Variants in RALYL observed in about 807,000 individuals in gnomAD.
RALYL encodes the protein RALY RNA binding protein like.
Under a neutral mutation model 35.1 loss-of-function variants are expected in RALYL, and 29 were observed. That is an observed-to-expected ratio of 0.83 (90% confidence interval 0.61 to 1.13). The LOEUF (loss-of-function observed/expected upper bound fraction) is 1.13, where lower values mean the gene tolerates loss of function less well. Ranked by LOEUF, RALYL falls within the 50% of genes most tolerant of loss-of-function variation. The pLI, the probability that RALYL is intolerant of heterozygous loss-of-function variation, is 0.00. For missense variants in RALYL, 359 were observed against 360.4 expected (o/e 1.00, Z 0.03); for synonymous variants, 120 against 127.6 (o/e 0.94, Z 0.40).
chr8:84,756,664 ATAAT>A (rs1381886267), intron 2 of RALYL, among the ~76,000 whole-genome samples: 5 of 152,124 alleles, frequency 3.3e-5, no homozygotes, highest in African/African-American at 9.6e-5. Flanking sequence ...GAAGTTATGC[ATAAT>A]TAATTATATT....
At chr8:84,897,690 A>G (rs942347245) in intron 8 of RALYL, among the ~76,000 whole-genome samples, 1 of 152,220 alleles carries the variant, frequency 6.6e-6, no homozygotes, top group African/African-American at 2.4e-5. Flanking sequence ...GAAGCCTTAC[A>G]TATCACATTT....
At chr8:84,796,274 A>G (rs1351405340) in intron 3 of RALYL, among the ~76,000 whole-genome samples, 1 of 152,206 alleles carries the variant, frequency 6.6e-6, no homozygotes, top group Non-Finnish European at 1.5e-5. Context: ...TCTCCTAGGC[A>G]TCTTGGCCCA....
chr8:84,329,679 G>C (rs1038371285), intron 1 of RALYL, among the ~76,000 whole-genome samples: 3 of 151,876 alleles, frequency 2.0e-5, no homozygotes, highest in African/African-American at 7.3e-5. Flanking sequence ...TTGTAAATAA[G>C]ACTATTTGCT....
At position 84,226,461 on chromosome 8, in the gene RALYL, C is replaced by A. The variant is rs1422779679; in HGVS notation, c.-24+42037C>A. Among the ~76,000 whole-genome samples the A allele has an allele frequency of 2.6e-5, 4 of 152,214 alleles. No individual in the cohort carries two copies. The East Asian group carries it at 7.7e-4, about 29-fold the overall frequency. ...TACTCTTGTTGCCCAGGCTGGAGGG[C>A]AGTGGTGCAATCTCAGCTCATCGCA... On this transcript the variant is annotated intron_variant, in intron 1 of 8. Coordinates refer to ENST00000521268, the MANE Select transcript of RALYL (RefSeq NM_173848.7).
chr8:84,374,750 T>C (rs73298719), intron 1 of RALYL, among the ~76,000 whole-genome samples: 4,671 of 151,928 alleles, frequency 0.031, 233 homozygotes, highest in African/African-American at 0.11. Flanking sequence ...AAAAAGTAAC[T>C]GTTGGGTACT....
chr8:84,828,949 A>G, intron 4 of RALYL: 1 of 151,918 alleles, frequency 6.6e-6, no homozygotes, highest in East Asian at 1.9e-4. Flanking sequence ...CTGACCCACT[A>G]CCTTAAAAAA....
chr8:84,549,027 T>G (rs1022817689), intron 2 of RALYL, among the ~76,000 whole-genome samples: 2 of 152,202 alleles, frequency 1.3e-5, no homozygotes, highest in Non-Finnish European at 2.9e-5. Flanking sequence ...TGTTTCCATA[T>G]GGATCTACTA....
At chr8:84,577,620 A>G (rs1009986201) in intron 2 of RALYL, among the ~76,000 whole-genome samples, 1 of 152,080 alleles carries the variant, frequency 6.6e-6, no homozygotes, top group Non-Finnish European at 1.5e-5. Context: ...TTTTTTAAAC[A>G]GTTTTCAAGA....
chr8:84,631,388 A>G (rs1303569903), intron 2 of RALYL, among the ~76,000 whole-genome samples: 1 of 151,962 alleles, frequency 6.6e-6, no homozygotes, highest in Non-Finnish European at 1.5e-5. Context: ...TGGAAATTGA[A>G]GAAGTATTAA....
rs1587656659 is a variant in RALYL, at chr8:84,478,922, T to TAAAAAAAAAAAAAAAAAAAAAAAAAA, written c.-23-50372_-23-50371insAAAAAAAAAAAAAAAAAAAAAAAAAA. Among the ~76,000 whole-genome samples the TAAAAAAAAAAAAAAAAAAAAAAAAAA allele has an allele frequency of 2.4e-3, 206 of 85,172 alleles. 20 individuals are homozygous for TAAAAAAAAAAAAAAAAAAAAAAAAAA. Among genetic ancestry groups the TAAAAAAAAAAAAAAAAAAAAAAAAAA allele is most frequent in the Non-Finnish European group, 3.2e-3 (121 of 37,400 alleles). 55.9% of individuals were successfully genotyped at this position (85,172 alleles called of 152,430 possible). A position where few individuals can be genotyped will look rare whatever the true frequency, so the allele number is the denominator to read the frequency against. ...TAACACCGTGAAACCCCGTCTCTACTAAAAATACAAAACATTAGCCGGGCA... is the reference window on the plus strand; with the variant it reads ...TAACACCGTGAAACCCCGTCTCTACTAAAAAAAAAAAAAAAAAAAAAAAAAAAAAAATACAAAACATTAGCCGGGCA... On this transcript the variant is annotated intron_variant, in intron 1 of 8. Coordinates refer to ENST00000521268, the MANE Select transcript of RALYL (RefSeq NM_173848.7).
intron 2 of RALYL, among the ~76,000 whole-genome samples, chr8:84,611,521 C>T (rs28465008): frequency 0.19 from 29,523 of 151,856 alleles, 3,115 homozygotes; most frequent in Non-Finnish European, 0.23. Context: ...GGTGTGTGTT[C>T]ATACATGTAT....
chr8:84,259,196 A>C (rs1223877239), intron 1 of RALYL, among the ~76,000 whole-genome samples: 1 of 152,184 alleles, frequency 6.6e-6, no homozygotes, highest in African/African-American at 2.4e-5. Context: ...ATTTAAGCTC[A>C]TTACTAATAA....
At chr8:84,469,744 G>C (rs1463218944) in intron 1 of RALYL, among the ~76,000 whole-genome samples, 1 of 152,140 alleles carries the variant, frequency 6.6e-6, no homozygotes, top group Admixed American at 6.5e-5. Context: ...CAGCCTAGCT[G>C]CCCCCTTGCA....
chr8:84,683,561 A>G (rs867593320), intron 2 of RALYL, among the ~76,000 whole-genome samples: 30 of 152,206 alleles, frequency 2.0e-4, no homozygotes, highest in Middle Eastern at 3.4e-3. Context: ...TACTTGTTCA[A>G]TGGATGTTGA....
intron 2 of RALYL, among the ~76,000 whole-genome samples, chr8:84,681,916 C>A (rs1272768483): frequency 6.6e-6 from 1 of 152,156 alleles, no homozygotes; most frequent in Admixed American, 6.6e-5. Context: ...CTGTCTTGTG[C>A]CAGTTTTCAA....
chr8:84,851,049 T>C (rs1429026742), intron 5 of RALYL, among the ~76,000 whole-genome samples: 1 of 152,242 alleles, frequency 6.6e-6, no homozygotes, highest in Non-Finnish European at 1.5e-5. Flanking sequence ...TACATTTAAT[T>C]TGAGTTTCAC....
chr8:84,522,629 A>G (rs2058553543), intron 1 of RALYL, among the ~76,000 whole-genome samples: 2 of 152,134 alleles, frequency 1.3e-5, no homozygotes, highest in Non-Finnish European at 2.9e-5. Context: ...TTTCAACTGG[A>G]TATGATCACT....
intron 1 of RALYL, among the ~76,000 whole-genome samples, chr8:84,487,863 T>C (rs1237130503): frequency 6.6e-6 from 1 of 152,066 alleles, no homozygotes; most frequent in African/African-American, 2.4e-5. Flanking sequence ...AAAATTGATC[T>C]AGTTTGGCCA....
intron 1 of RALYL, among the ~76,000 whole-genome samples, chr8:84,349,779 G>T (rs1483681163): frequency 6.7e-6 from 1 of 150,286 alleles, no homozygotes; most frequent in Non-Finnish European, 1.5e-5. Context: ...ATATCACAAG[G>T]CTGGCCTTAT....
Sources: gnomAD v4.1 joint callset for allele counts (sites outside exome capture counted in the v4.1 genomes callset) on GRCh38, gnomAD v4.1.1 for gene constraint, MANE v1.5 for transcripts, NCBI Gene and HGNC (gene_info 2026-07-23, HGNC 2026-07-21) for gene names.